Variants in NIPAL2 observed in about 807,000 individuals in gnomAD.
The protein encoded by NIPAL2 is NIPA-like protein 2.
Under a neutral mutation model 48.9 loss-of-function variants are expected in NIPAL2, and 43 were observed. The ratio of observed to expected loss-of-function variants is 0.88; its 90% CI spans 0.69 to 1.13. The LOEUF (loss-of-function observed/expected upper bound fraction) is 1.13. NIPAL2 is among the 50% of genes most tolerant of loss of function. The pLI is 0.00. For missense variants in NIPAL2, 446 were observed against 461.4 expected (o/e 0.97, Z 0.31); for synonymous variants, 167 against 174.6 (o/e 0.96, Z 0.34).
chr8:98,286,981 G>A (rs1816215389), intron 1 of NIPAL2, among the ~76,000 whole-genome samples: 2 of 152,108 alleles, frequency 1.3e-5, no homozygotes, highest in South Asian at 4.2e-4. Context: ...ACGCTTTGGT[G>A]GGCCATGACA....
intron 8 of NIPAL2, 66 bp downstream of exon 8, chr8:98,203,042 T>C: frequency 1.6e-6 from 2 of 1,232,574 alleles, no homozygotes; most frequent in Non-Finnish European, 2.4e-6. Context: ...CTGGATTCTC[T>C]CATTTACTCT....
At chr8:98,243,550 G>A (rs116465027) in intron 3 of NIPAL2, among the ~76,000 whole-genome samples, 1,664 of 152,090 alleles carry the variant, frequency 0.011, 28 homozygotes, top group African/African-American at 0.037. Context: ...TATGAGACTC[G>A]GTCCAAGACC....
At chr8:98,223,090 G>A (rs1379394040) in intron 4 of NIPAL2, among the ~76,000 whole-genome samples, 1 of 152,210 alleles carries the variant, frequency 6.6e-6, no homozygotes, top group African/African-American at 2.4e-5. Flanking sequence ...ACCCTCAGGT[G>A]ATTTAACAAT....
At chr8:98,232,415 A>C (rs574553854) in intron 4 of NIPAL2, among the ~76,000 whole-genome samples, 14 of 152,318 alleles carry the variant, frequency 9.2e-5, no homozygotes, top group African/African-American at 3.1e-4. Flanking sequence ...AAAGTTTGCA[A>C]AAATGTCCTA....
intron 1 of NIPAL2, among the ~76,000 whole-genome samples, chr8:98,254,428 C>A (rs1473793325): frequency 6.6e-6 from 1 of 152,006 alleles, no homozygotes; most frequent in Non-Finnish European, 1.5e-5. Context: ...TCTCTAATAT[C>A]TTTTGGAGGA....
chr8:98,221,475 G>T (rs534460041), intron 5 of NIPAL2, among the ~76,000 whole-genome samples: 1 of 151,934 alleles, frequency 6.6e-6, no homozygotes, highest in Non-Finnish European at 1.5e-5. Flanking sequence ...TTTTATATTG[G>T]TTGAGAGTAC....
chr8:98,213,017 C>T (rs755020959), intron 5 of NIPAL2, among the ~76,000 whole-genome samples: 7 of 152,152 alleles, frequency 4.6e-5, no homozygotes, highest in Non-Finnish European at 7.3e-5. Flanking sequence ...ATTCCACAGC[C>T]AGAGGAATCA....
chr8:98,209,564 G>A (rs1376619404), intron 6 of NIPAL2, among the ~76,000 whole-genome samples: 1 of 152,016 alleles, frequency 6.6e-6, no homozygotes, highest in Non-Finnish European at 1.5e-5. Context: ...GCCGCAGTGA[G>A]CTATGATTGT....
chr8:98,232,057 C>T lies in NIPAL2; in HGVS notation c.436+4098G>A, dbSNP rs114741151. ...AAAAAGCTACATTTTCTCAAGGCAA[C>T]GGCAACAAAGGCTCAAAGAAAATAC... On this transcript the variant is annotated intron_variant, in intron 4 of 10. Transcript: ENST00000430223. 7.1e-3 allele frequency among the ~76,000 whole-genome samples: 1,073 copies of T among 152,104 alleles called. 15 individuals are homozygous for T. The highest frequency in any genetic ancestry group is 0.024 in the African/African-American group (999 of 41,468).
intron 4 of NIPAL2, among the ~76,000 whole-genome samples, chr8:98,226,602 CTCTT>C (rs1812185794): frequency 6.6e-6 from 1 of 152,190 alleles, no homozygotes; most frequent in African/African-American, 2.4e-5. Context: ...CTCTCTCCCT[CTCTT>C]TCTCTCTCTC....
chr8:98,212,301 T>C, intron 6 of NIPAL2, 104 bp downstream of exon 6: 1 of 590,594 alleles, frequency 1.7e-6, no homozygotes, highest in East Asian at 2.6e-5. Context: ...CTGAAAAATA[T>C]AAACCATGAG....
At chr8:98,201,236 C>T (rs1810783657) in intron 8 of NIPAL2, among the ~76,000 whole-genome samples, 1 of 152,134 alleles carries the variant, frequency 6.6e-6, no homozygotes, top group Non-Finnish European at 1.5e-5. Context: ...TGGCAAGCTC[C>T]ACCACCATTC....
At chr8:98,273,151 A>G (rs1246395354) in intron 1 of NIPAL2, among the ~76,000 whole-genome samples, 2 of 152,192 alleles carry the variant, frequency 1.3e-5, no homozygotes, top group Non-Finnish European at 2.9e-5. Flanking sequence ...CAAATGTGAT[A>G]CATTTTATAT....
rs542998853 is a variant in NIPAL2, at chr8:98,243,273, A to C, written c.377-7059T>G. On this transcript the variant is annotated intron_variant, in intron 3 of 10. Transcript: ENST00000430223. ...GCTATTAAGTGTCACTTAGGTTGGC[A>C]ATCAAAATGGAGATTCATTCTGTTC... Among the ~76,000 whole-genome samples the C allele has an allele frequency of 5.3e-5, 8 of 152,370 alleles. No individual in the cohort carries two copies. The South Asian group carries it at 1.7e-3, about 32-fold the overall frequency.
chr8:98,285,862 A>C (rs1207179758), intron 1 of NIPAL2, among the ~76,000 whole-genome samples: 1 of 152,188 alleles, frequency 6.6e-6, no homozygotes, highest in Non-Finnish European at 1.5e-5. Flanking sequence ...TCAATAGTCC[A>C]AGTTCCTGAA....
At position 98,259,676 on chromosome 8, in the gene NIPAL2, C is replaced by T. The variant is rs998835562; in HGVS notation, c.136-5589G>A. Among the ~76,000 whole-genome samples the T allele has an allele frequency of 2.2e-4, 33 of 152,324 alleles. No homozygotes were observed. In the South Asian group the frequency reaches 3.7e-3, roughly 17 times the overall value. On this transcript the variant is annotated intron_variant, in intron 1 of 10. Coordinates refer to ENST00000430223, the MANE Select transcript of NIPAL2 (RefSeq NM_001321635.2). ...AGACTAGGCCTCAAAAAGTATTGCACGCCTCTGGTTATGAAATATTTTGAG... is the reference window on the plus strand; with the variant it reads ...AGACTAGGCCTCAAAAAGTATTGCATGCCTCTGGTTATGAAATATTTTGAG...
intron 2 of NIPAL2, among the ~76,000 whole-genome samples, chr8:98,252,957 T>G (rs1813675876): frequency 6.6e-6 from 1 of 152,072 alleles, no homozygotes; most frequent in African/African-American, 2.4e-5. Flanking sequence ...CATGCTTTTC[T>G]GAGTAGCAGG....
intron 1 of NIPAL2, among the ~76,000 whole-genome samples, chr8:98,290,161 A>AG (rs995262178): frequency 6.6e-6 from 1 of 152,168 alleles, no homozygotes; most frequent in Non-Finnish European, 1.5e-5. Context: ...TTTGAGGTTG[A>AG]GGGGGGCTCA....
At chr8:98,232,529 G>C (rs1812487232) in intron 4 of NIPAL2, among the ~76,000 whole-genome samples, 1 of 152,072 alleles carries the variant, frequency 6.6e-6, no homozygotes, top group South Asian at 2.1e-4. Flanking sequence ...TTATGTGATA[G>C]GCCCTGTTGT....
Sources: allele counts gnomAD v4.1 joint callset (sites outside exome capture counted in the v4.1 genomes callset), GRCh38; gene constraint gnomAD v4.1.1; transcripts MANE v1.5; gene names NCBI Gene and HGNC (gene_info 2026-07-23, HGNC 2026-07-21).